ZBTB7C: variants seen among roughly 807,000 people sequenced by gnomAD.
ZBTB7C encodes the protein zinc finger and BTB domain containing 7C.
In ZBTB7C, 8 loss-of-function variants were observed where a neutral mutation model predicts 25.7. That is an observed-to-expected ratio of 0.31 (90% confidence interval 0.18 to 0.56). The LOEUF (loss-of-function observed/expected upper bound fraction) is 0.56. Among genes scored for constraint, ZBTB7C ranks in the 20% least tolerant of loss-of-function variants. The pLI is 0.91. For missense variants in ZBTB7C, 824 were observed against 855.2 expected, an observed-to-expected ratio of 0.96 and a Z score of 0.46; for synonymous variants, 394 against 369.0, an observed-to-expected ratio of 1.07 and a Z score of -0.78.
chr18:48,195,443 C>T (rs967360542), intron 2 of ZBTB7C, among the ~76,000 whole-genome samples: 1 of 152,200 alleles, frequency 6.6e-6, no homozygotes, highest in Admixed American at 6.5e-5. Flanking sequence ...TTCCCCTGCA[C>T]ATGTTCTCTT....
At chr18:48,200,010 G>A (rs1186052627) in intron 2 of ZBTB7C, among the ~76,000 whole-genome samples, 1 of 150,526 alleles carries the variant, frequency 6.6e-6, no homozygotes, top group Non-Finnish European at 1.5e-5. Flanking sequence ...GTGTGTGTGT[G>A]TGTGTGTGTG....
intron 3 of ZBTB7C, among the ~76,000 whole-genome samples, chr18:48,053,642 C>T (rs532572315): frequency 1.3e-5 from 2 of 152,290 alleles, no homozygotes; most frequent in South Asian, 4.1e-4. Context: ...CCTAAGCAGT[C>T]AGGTTCCGGG....
intron 3 of ZBTB7C, among the ~76,000 whole-genome samples, chr18:48,100,312 A>T (rs1226222640): frequency 6.6e-6 from 1 of 152,186 alleles, no homozygotes; most frequent in Non-Finnish European, 1.5e-5. Context: ...GACAGGCAAA[A>T]GTTAAGCCCC....
chr18:48,410,120 A>C (rs116470296), upstream of ZBTB7C, among the ~76,000 whole-genome samples: 3,279 of 152,254 alleles, frequency 0.022, 125 homozygotes, highest in African/African-American at 0.076. Flanking sequence ...TTTCTACCCG[A>C]AAGTCGGGAG....
intron 1 of ZBTB7C, among the ~76,000 whole-genome samples, chr18:48,349,218 G>A (rs1385096165): frequency 6.6e-6 from 1 of 152,204 alleles, no homozygotes; most frequent in Non-Finnish European, 1.5e-5. Context: ...AGGACTAAAG[G>A]AGGAAAACAT....
At chr18:48,302,295 C>T (rs1174395811) in intron 2 of ZBTB7C, among the ~76,000 whole-genome samples, 1 of 152,190 alleles carries the variant, frequency 6.6e-6, no homozygotes, top group Non-Finnish European at 1.5e-5. Flanking sequence ...ATACTTTAAA[C>T]TGAAGAGCTG....
At chr18:48,121,399 C>CTT (rs11322551) in intron 3 of ZBTB7C, among the ~76,000 whole-genome samples, 8 of 148,816 alleles carry the variant, frequency 5.4e-5, no homozygotes, top group South Asian at 4.3e-4. Context: ...GCTTAATACT[C>CTT]TTTTTTTTTT....
intron 2 of ZBTB7C, among the ~76,000 whole-genome samples, chr18:48,206,072 T>C (rs982379395): frequency 3.9e-5 from 6 of 152,224 alleles, no homozygotes; most frequent in African/African-American, 1.4e-4. Flanking sequence ...TGTTTGTGTA[T>C]ACATGTGTGG....
intron 3 of ZBTB7C, among the ~76,000 whole-genome samples, chr18:48,165,850 G>A (rs971254356): frequency 6.6e-6 from 1 of 152,186 alleles, no homozygotes; most frequent in Non-Finnish European, 1.5e-5. Context: ...TTACAGATGA[G>A]GAAACTTGGG....
At chr18:48,228,219 C>G (rs2043154682) in intron 2 of ZBTB7C, among the ~76,000 whole-genome samples, 1 of 152,146 alleles carries the variant, frequency 6.6e-6, no homozygotes, top group African/African-American at 2.4e-5. Flanking sequence ...GAGTGATAAC[C>G]AACAGGTCCT....
At chr18:48,409,672 G>C (rs1599067706), upstream of ZBTB7C, among the ~76,000 whole-genome samples, 1 of 152,030 alleles carries the variant, frequency 6.6e-6, no homozygotes, top group South Asian at 2.1e-4. Context: ...GCGAGTGGGC[G>C]GCGCGGCGGG....
intron 3 of ZBTB7C, among the ~76,000 whole-genome samples, chr18:48,073,944 C>G (rs545686615): frequency 3.7e-4 from 56 of 152,242 alleles, no homozygotes; most frequent in Non-Finnish European, 2.2e-4. Flanking sequence ...CTGTCCCTGC[C>G]CCTCAGGCCC....
chr18:48,249,132 G>C (rs1411366010), intron 2 of ZBTB7C, among the ~76,000 whole-genome samples: 3 of 152,218 alleles, frequency 2.0e-5, no homozygotes, highest in African/African-American at 7.2e-5. Flanking sequence ...TATTGAAGTG[G>C]AGAAAAAGCT....
intron 2 of ZBTB7C, among the ~76,000 whole-genome samples, chr18:48,221,807 C>CGCTGTCCTAGTCTCCCTCTAT (rs1299602661): frequency 8.8e-5 from 12 of 136,320 alleles, no homozygotes; most frequent in African/African-American, 1.8e-4. Context: ...GTCTCCACTA[C>CGCTGTCCTAGTCTCCCTCTAT]GCTGTCCTAG....
intron 1 of ZBTB7C, among the ~76,000 whole-genome samples, chr18:48,361,363 G>C (rs894547156): frequency 2.0e-5 from 3 of 152,312 alleles, no homozygotes; most frequent in Non-Finnish European, 4.4e-5. Flanking sequence ...TTCAGAGAGG[G>C]TAGGTAGCAG....
rs1479413978 is a variant in ZBTB7C, at chr18:48,304,481, C to A, written c.-79+33693G>T. On this transcript the variant is annotated intron_variant, in intron 2 of 4. Transcript: ENST00000590800. ...CCTGTGGTCAGGAGTTCGAGACCAG[C>A]CTGGCCAACATGGCAAAACCCTGTC... is the stretch of plus-strand genomic sequence containing the variant. 2.0e-5 allele frequency among the ~76,000 whole-genome samples: 3 copies of A among 152,158 alleles called. No homozygotes were observed. In the South Asian group the frequency reaches 6.2e-4, roughly 31 times the overall value.
At chr18:48,311,032 A>G (rs916634662) in intron 2 of ZBTB7C, among the ~76,000 whole-genome samples, 5 of 152,180 alleles carry the variant, frequency 3.3e-5, no homozygotes, top group Admixed American at 6.5e-5. Context: ...TATTCAATCG[A>G]CAACAGAAAT....
chr18:48,053,728 G>C (rs1350859245), intron 3 of ZBTB7C, among the ~76,000 whole-genome samples: 1 of 152,178 alleles, frequency 6.6e-6, no homozygotes, highest in Non-Finnish European at 1.5e-5. Context: ...GGAGAAACAT[G>C]GATGAAAGAG....
In ZBTB7C at chr18:48,159,879, C is replaced by T. The variant is rs560822696; in HGVS notation, c.-17+26055G>A. Among the ~76,000 whole-genome samples the T allele has an allele frequency of 1.5e-3, 231 of 152,182 alleles. 1 individual carries two copies. The highest frequency in any genetic ancestry group is 1.7e-3 in the Non-Finnish European group (115 of 68,034). On this transcript the variant is annotated intron_variant, in intron 3 of 4. Transcript: ENST00000590800. The stretch of plus-strand genomic sequence containing the variant: ...CCAGAGCCCAGGGGGCCTCCAGCCC[C>T]CAGAGATTCTGGATCTGTGGGGCTG...
Sources: gnomAD v4.1 joint callset for allele counts (sites outside exome capture counted in the v4.1 genomes callset) on GRCh38, gnomAD v4.1.1 for gene constraint, MANE v1.5 for transcripts, NCBI Gene and HGNC (gene_info 2026-07-23, HGNC 2026-07-21) for gene names.